The following MYT1L variants were observed in gnomAD, a reference collection of about 807,000 sequenced individuals.
MYT1L encodes myelin transcription factor 1 like.
A neutral mutation model predicts 126.7 loss-of-function variants in MYT1L; 12 were observed. That is an observed-to-expected ratio of 0.09 (90% confidence interval 0.06 to 0.15). MYT1L has a LOEUF of 0.15. MYT1L is among the 10% of genes least tolerant of loss of function. The pLI, the probability that MYT1L is intolerant of heterozygous loss-of-function variation, is 1.00. For missense variants in MYT1L, 979 were observed against 1,585.2 expected (o/e 0.62, Z 6.49); for synonymous variants, 541 against 604.2 (o/e 0.90, Z 1.53).
intron 3 of MYT1L, among the ~76,000 whole-genome samples, chr2:2,120,973 C>T (rs2080912365): frequency 6.6e-6 from 1 of 152,098 alleles, no homozygotes; most frequent in African/African-American, 2.4e-5. Flanking sequence ...AGACCCACGG[C>T]CACCAGGTGG....
intron 1 of MYT1L, among the ~76,000 whole-genome samples, chr2:2,314,134 C>T (rs985682249): frequency 6.6e-6 from 1 of 152,236 alleles, no homozygotes; most frequent in Admixed American, 6.5e-5. Context: ...CAAAACTCCA[C>T]CAACCAATAA....
intron 2 of MYT1L, among the ~76,000 whole-genome samples, chr2:2,183,807 G>A (rs770386646): frequency 1.4e-4 from 20 of 145,050 alleles, no homozygotes; most frequent in African/African-American, 1.8e-4. Flanking sequence ...AAAAAAGGAA[G>A]GAAGGAGAGA....
rs2093960728 is a variant in MYT1L, at chr2:2,224,567, C to T, written c.-420-51579G>A. On this transcript the variant is annotated intron_variant, in intron 2 of 24. Coordinates refer to ENST00000647738, the MANE Select transcript of MYT1L (RefSeq NM_001303052.2). The surrounding 1 kb of genome is among the most constrained non-coding windows in gnomAD (Gnocchi z 4.0). ...GGGCACGGTGGCTGAAGCCTGTAATCTCAACACTTTGGGAGGTCAAGACGG... is the reference window on the plus strand; with the variant it reads ...GGGCACGGTGGCTGAAGCCTGTAATTTCAACACTTTGGGAGGTCAAGACGG... Among the ~76,000 whole-genome samples, 1 of 152,104 alleles carries T rather than the reference C, an allele frequency of 6.6e-6. No individual in the cohort carries two copies. The highest frequency in any genetic ancestry group is 2.4e-5 in the African/African-American group (1 of 41,432).
intron 1 of MYT1L, among the ~76,000 whole-genome samples, chr2:2,302,086 T>C (rs912216592): frequency 6.6e-6 from 1 of 152,162 alleles, no homozygotes; most frequent in Non-Finnish European, 1.5e-5. Context: ...ATTGCCATGA[T>C]CAATTACCTT....
intron 2 of MYT1L, among the ~76,000 whole-genome samples, chr2:2,252,476 CCA>C (rs1243763689): frequency 6.6e-6 from 1 of 152,186 alleles, no homozygotes; most frequent in African/African-American, 2.4e-5. Context: ...ATTCTGCAAT[CCA>C]GGAGGGACTC....
At chr2:1,830,421 C>T (rs2039980159) in intron 21 of MYT1L, among the ~76,000 whole-genome samples, 1 of 152,096 alleles carries the variant, frequency 6.6e-6, no homozygotes. Context: ...GAACAGCCTC[C>T]ACTGACATTG....
intron 8 of MYT1L, among the ~76,000 whole-genome samples, chr2:1,958,642 T>C (rs540617118): frequency 1.6e-4 from 25 of 152,336 alleles, no homozygotes; most frequent in Admixed American, 7.2e-4. Flanking sequence ...TGCTGCCTGC[T>C]TTCTACACTC....
chr2:2,205,518 G>C lies in MYT1L; in HGVS notation c.-420-32530C>G, dbSNP rs146219505. 1.0e-3 allele frequency among the ~76,000 whole-genome samples: 155 copies of C among 152,264 alleles called. 1 individual carries two copies. Among genetic ancestry groups the C allele is most frequent in the Middle Eastern group, 3.4e-3 (1 of 294 alleles). On this transcript the variant is annotated intron_variant, in intron 2 of 24. Coordinates refer to ENST00000647738, the MANE Select transcript of MYT1L (RefSeq NM_001303052.2). ...TAAATGTAATAATGCATATAATGTAGTCAGGGGAACATCCAAACTCAATCA... is the reference window on the plus strand; with the variant it reads ...TAAATGTAATAATGCATATAATGTACTCAGGGGAACATCCAAACTCAATCA...
Position 1,848,894 on chromosome 2 carries a change from C to T in MYT1L, c.2774+2747G>A, listed in dbSNP as rs902564740. On this transcript the variant is annotated intron_variant, in intron 19 of 24. Transcript: ENST00000647738. The surrounding 1 kb of genome is among the most constrained non-coding windows in gnomAD (Gnocchi z 4.8). ...CTAGAACAAGTAACGTCACAAGGTG[C>T]TCCACCTTCAGTACGCTAAAACCCC... Among the ~76,000 whole-genome samples the T allele has an allele frequency of 6.6e-6, 1 of 152,174 alleles. No homozygotes were observed. Among genetic ancestry groups the T allele is most frequent in the African/African-American group, 2.4e-5 (1 of 41,444 alleles).
chr2:2,254,737 G>A (rs1311137104), intron 2 of MYT1L, among the ~76,000 whole-genome samples: 1 of 152,072 alleles, frequency 6.6e-6, no homozygotes, highest in East Asian at 1.9e-4. Flanking sequence ...AGTGCTTATT[G>A]TCATCTCCTC....
At chr2:2,322,589 A>G (rs2096187161) in intron 1 of MYT1L, among the ~76,000 whole-genome samples, 1 of 150,436 alleles carries the variant, frequency 6.6e-6, no homozygotes, top group African/African-American at 2.5e-5. Context: ...CACAATTTTG[A>G]CCCTAAAAAA....
intron 8 of MYT1L, among the ~76,000 whole-genome samples, chr2:1,966,117 T>C (rs2059334451): frequency 6.6e-6 from 1 of 152,200 alleles, no homozygotes; most frequent in Admixed American, 6.5e-5. Flanking sequence ...AATTTCTGCC[T>C]GGCAGGAAGC....
At chr2:2,251,337 G>A (rs1190377511) in intron 2 of MYT1L, among the ~76,000 whole-genome samples, 2 of 152,206 alleles carry the variant, frequency 1.3e-5, no homozygotes, top group South Asian at 4.2e-4. Context: ...AGATACGTCC[G>A]CTGCAGCCCA....
chr2:2,267,361 G>A (rs73913302), intron 2 of MYT1L, among the ~76,000 whole-genome samples: 2,457 of 152,302 alleles, frequency 0.016, 62 homozygotes, highest in African/African-American at 0.056. Context: ...AGTGAATTCC[G>A]AAGATCCCCA....
At chr2:1,933,698 G>A (rs1340173269) in intron 9 of MYT1L, among the ~76,000 whole-genome samples, 2 of 152,138 alleles carry the variant, frequency 1.3e-5, no homozygotes, top group African/African-American at 4.8e-5. Context: ...TGAGCTCAGT[G>A]GCAACAGGCC....
At chr2:1,871,467 G>C (rs967962011) in intron 18 of MYT1L, among the ~76,000 whole-genome samples, 2 of 152,230 alleles carry the variant, frequency 1.3e-5, no homozygotes, top group African/African-American at 4.8e-5. Flanking sequence ...TGGACACAGC[G>C]TGCCCCTGTG....
chr2:2,164,601 GC>G (rs2088689200), intron 3 of MYT1L, among the ~76,000 whole-genome samples: 2 of 152,156 alleles, frequency 1.3e-5, no homozygotes, highest in African/African-American at 4.8e-5. Flanking sequence ...ACATAGGGTA[GC>G]CACCCCAGAT....
intron 4 of MYT1L, among the ~76,000 whole-genome samples, chr2:2,024,616 T>C (rs1267365155): frequency 2.0e-5 from 3 of 152,232 alleles, no homozygotes; most frequent in Admixed American, 2.0e-4. Context: ...AAGCTTTATA[T>C]CCAGGCCGGC....
intron 3 of MYT1L, among the ~76,000 whole-genome samples, chr2:2,075,806 T>G (rs1270112114): frequency 1.3e-5 from 2 of 152,182 alleles, no homozygotes; most frequent in Non-Finnish European, 2.9e-5. Context: ...AAAATGAAAA[T>G]TATTCACCCA....
Sources: allele counts gnomAD v4.1 joint callset (sites outside exome capture counted in the v4.1 genomes callset), GRCh38; gene constraint gnomAD v4.1.1; non-coding constraint Gnocchi (gnomAD v3.1); transcripts MANE v1.5; gene names NCBI Gene and HGNC (gene_info 2026-07-23, HGNC 2026-07-21).